GRIN2A: variants seen among roughly 807,000 people sequenced by gnomAD.
The protein encoded by GRIN2A is glutamate receptor ionotropic, NMDA 2A.
Under a neutral mutation model 113.4 loss-of-function variants are expected in GRIN2A, and 22 were observed. The observed-to-expected ratio is 0.19, with a 90% CI of 0.14 to 0.28. The LOEUF (loss-of-function observed/expected upper bound fraction) is 0.28, where lower values mean the gene tolerates loss of function less well. Ranked by LOEUF, GRIN2A falls within the 10% of genes least tolerant of loss-of-function variation. The pLI, the probability that GRIN2A is intolerant of heterozygous loss-of-function variation, is 1.00. For missense variants in GRIN2A, 1,502 were observed against 1,887.0 expected, an observed-to-expected ratio of 0.80 and a Z score of 3.78; for synonymous variants, 827 against 738.4, an observed-to-expected ratio of 1.12 and a Z score of -1.94.
chr16:10,177,514 G>A (rs931528844), intron 2 of GRIN2A, among the ~76,000 whole-genome samples: 1 of 152,068 alleles, frequency 6.6e-6, no homozygotes, highest in Non-Finnish European at 1.5e-5. Context: ...TGAACCAATG[G>A]ACCCTTTCAT....
chr16:9,972,176 T>A (rs1207049695), intron 2 of GRIN2A, among the ~76,000 whole-genome samples: 1 of 152,174 alleles, frequency 6.6e-6, no homozygotes, highest in Non-Finnish European at 1.5e-5. Flanking sequence ...GTAGTTTGCA[T>A]TTAAACCCAA....
At chr16:10,128,644 C>A (rs916892608) in intron 2 of GRIN2A, among the ~76,000 whole-genome samples, 7 of 152,174 alleles carry the variant, frequency 4.6e-5, no homozygotes, top group African/African-American at 1.7e-4. Context: ...CCCCCTCTCT[C>A]CAACAGATGA....
chr16:10,157,281 A>C (rs1013901585), intron 2 of GRIN2A, among the ~76,000 whole-genome samples: 3 of 152,200 alleles, frequency 2.0e-5, no homozygotes, highest in Non-Finnish European at 4.4e-5. Flanking sequence ...TACTTAGATG[A>C]GACACAAAAT....
At chr16:10,070,735 G>A (rs1458435789) in intron 2 of GRIN2A, among the ~76,000 whole-genome samples, 4 of 152,066 alleles carry the variant, frequency 2.6e-5, no homozygotes, top group Non-Finnish European at 5.9e-5. Flanking sequence ...CCTTTTTCAG[G>A]TTTTGCAAAC....
chr16:10,156,079 C>A (rs1328311177), intron 2 of GRIN2A, among the ~76,000 whole-genome samples: 3 of 152,180 alleles, frequency 2.0e-5, no homozygotes, highest in Non-Finnish European at 4.4e-5. Context: ...AGCCCAGGGT[C>A]CAGGAAAACT....
intron 11 of GRIN2A, among the ~76,000 whole-genome samples, chr16:9,774,893 CTCTA>C (rs1403467772): frequency 1.3e-5 from 2 of 152,202 alleles, no homozygotes; most frequent in African/African-American, 2.4e-5. Flanking sequence ...TTCTAACTCA[CTCTA>C]TCTATGATTC....
chr16:9,850,781 T>C (rs920331053), intron 4 of GRIN2A, among the ~76,000 whole-genome samples: 3 of 152,130 alleles, frequency 2.0e-5, no homozygotes, highest in African/African-American at 4.8e-5. Context: ...ATAGAATCGA[T>C]TGTATTCCCT....
At chr16:9,842,256 A>AAAAAAAG (rs1306551954) in intron 5 of GRIN2A, among the ~76,000 whole-genome samples, 2 of 152,148 alleles carry the variant, frequency 1.3e-5, no homozygotes, top group African/African-American at 4.8e-5. Context: ...TGTCTCCAAA[A>AAAAAAAG]AAAAAAGAAA....
At chr16:9,865,762 G>A (rs150152516) in intron 4 of GRIN2A, among the ~76,000 whole-genome samples, 1 of 152,086 alleles carries the variant, frequency 6.6e-6, no homozygotes, top group African/African-American at 2.4e-5. Context: ...CCTAAACCTG[G>A]GGTCAGCATA....
intron 2 of GRIN2A, among the ~76,000 whole-genome samples, chr16:10,098,505 CAT>C (rs376156985): frequency 2.0e-5 from 3 of 152,162 alleles, no homozygotes; most frequent in Admixed American, 6.5e-5. Context: ...TTTGCACACA[CAT>C]GTTTACAGCA....
At chr16:10,034,711 G>A (rs540966775) in intron 2 of GRIN2A, among the ~76,000 whole-genome samples, 1 of 151,960 alleles carries the variant, frequency 6.6e-6, no homozygotes, top group Admixed American at 6.6e-5. Context: ...AGACTTACTG[G>A]TCCTTGGCTT....
intron 2 of GRIN2A, among the ~76,000 whole-genome samples, chr16:10,078,873 C>A (rs1013661795): frequency 2.6e-5 from 4 of 152,220 alleles, no homozygotes; most frequent in Non-Finnish European, 4.4e-5. Context: ...TGACTGACTG[C>A]CTGCCACATC....
intron 3 of GRIN2A, among the ~76,000 whole-genome samples, chr16:9,896,124 A>T (rs138245837): frequency 0.026 from 3,904 of 151,854 alleles, 169 homozygotes; most frequent in African/African-American, 0.089. Flanking sequence ...ATCTCAGCTC[A>T]CTGCAACCTT....
chr16:9,899,869 A>T (rs2043883479), intron 3 of GRIN2A, among the ~76,000 whole-genome samples: 1 of 152,228 alleles, frequency 6.6e-6, no homozygotes, highest in African/African-American at 2.4e-5. Flanking sequence ...AACAACTGCC[A>T]AGAGGCAATA....
chr16:10,071,796 G>A (rs114569193), intron 2 of GRIN2A, among the ~76,000 whole-genome samples: 1,651 of 152,318 alleles, frequency 0.011, 35 homozygotes, highest in African/African-American at 0.038. Flanking sequence ...AACCCAAGAG[G>A]AGAAGTGGAC....
chr16:10,070,247 C>T (rs1009906552), intron 2 of GRIN2A, among the ~76,000 whole-genome samples: 4 of 152,166 alleles, frequency 2.6e-5, no homozygotes, highest in African/African-American at 9.7e-5. Context: ...GAAGCACCTC[C>T]ATTTAGGCCT....
At chr16:9,990,856 C>T (rs563699629) in intron 2 of GRIN2A, among the ~76,000 whole-genome samples, 10 of 152,238 alleles carry the variant, frequency 6.6e-5, no homozygotes, top group South Asian at 2.1e-4. Context: ...CACCTGAAGT[C>T]AGGAGTTTGA....
chr16:10,149,935 A>G (rs571672142), intron 2 of GRIN2A, among the ~76,000 whole-genome samples: 1 of 152,380 alleles, frequency 6.6e-6, no homozygotes, highest in Admixed American at 6.5e-5. Context: ...AGAATTGTAC[A>G]GATCTCGAAC....
intron 2 of GRIN2A, among the ~76,000 whole-genome samples, chr16:10,041,929 A>G (rs1348881172): frequency 3.3e-5 from 5 of 152,106 alleles, no homozygotes; most frequent in Non-Finnish European, 7.4e-5. Flanking sequence ...TCAGCTTTGT[A>G]TATCGCAATA....
Sources: allele counts gnomAD v4.1 joint callset (sites outside exome capture counted in the v4.1 genomes callset), GRCh38; gene constraint gnomAD v4.1.1; transcripts MANE v1.5; gene names NCBI Gene and HGNC (gene_info 2026-07-23, HGNC 2026-07-21).